The following DGKZ variants were observed in gnomAD, a reference collection of about 807,000 sequenced individuals.
DGKZ encodes diacylglycerol kinase zeta, also known as DAG kinase zeta.
Under a neutral mutation model 142.5 loss-of-function variants are expected in DGKZ, and 45 were observed. The ratio of observed to expected loss-of-function variants is 0.32; its 90% CI spans 0.25 to 0.40. DGKZ has a LOEUF of 0.40. DGKZ is among the 10% of genes least tolerant of loss of function. The pLI is 1.00. For synonymous variants in DGKZ, 442 were observed against 527.0 expected (o/e 0.84, Z 2.21); for missense variants, 755 against 1,306.5 (o/e 0.58, Z 6.51).
intron 1 of DGKZ, chr11:46,338,811 G>A (rs927199721): frequency 2.0e-5 from 3 of 152,142 alleles, no homozygotes; most frequent in African/African-American, 7.2e-5. Context: ...CGGAAAATGC[G>A]AGCGATGATA....
chr11:46,352,652 C>G (rs958367662), intron 1 of DGKZ, among the ~76,000 whole-genome samples: 2 of 152,236 alleles, frequency 1.3e-5, no homozygotes, highest in Admixed American at 1.3e-4. Flanking sequence ...CTCCCTGCCC[C>G]CTCTGCCTCC....
At chr11:46,336,228 C>T (rs1044162254) in intron 1 of DGKZ, among the ~76,000 whole-genome samples, 79 of 152,126 alleles carry the variant, frequency 5.2e-4, no homozygotes, top group African/African-American at 1.9e-3. Flanking sequence ...CTTCGCCTCC[C>T]AGTGCCAGCA....
upstream of DGKZ, chr11:46,345,617 T>G (rs754581833): frequency 5.1e-5 from 75 of 1,480,096 alleles, no homozygotes; most frequent in Admixed American, 2.3e-4. The surrounding 1 kb of genome is among the most constrained non-coding windows in gnomAD (Gnocchi z 4.1). Context: ...GGAGTGGGCA[T>G]GGGACCTCTG....
At chr11:46,366,577 C>T (rs766469311) in intron 1 of DGKZ, 14 of 1,607,002 alleles carry the variant, frequency 8.7e-6, no homozygotes, top group South Asian at 4.5e-5. Flanking sequence ...TGGGTGCACC[C>T]CTGCTGTTGA....
upstream of DGKZ, chr11:46,345,686 C>G (rs1940544567): frequency 8.4e-7 from 1 of 1,196,336 alleles, no homozygotes; most frequent in African/African-American, 1.6e-5. The surrounding 1 kb of genome is among the most constrained non-coding windows in gnomAD (Gnocchi z 4.1). Context: ...ACCCATCTGT[C>G]ATCCAGCACT....
intron 1 of DGKZ, among the ~76,000 whole-genome samples, chr11:46,362,762 T>A (rs994872258): frequency 1.3e-5 from 2 of 152,172 alleles, no homozygotes; most frequent in Non-Finnish European, 2.9e-5. Flanking sequence ...TCCTGTCCGC[T>A]CCAGCTGTAG....
At chr11:46,379,348 C>T (rs1244860664) in intron 29 of DGKZ, 112 bp downstream of exon 29, 9 of 1,571,350 alleles carry the variant, frequency 5.7e-6, no homozygotes, top group Non-Finnish European at 6.9e-6. Context: ...ATCTGTCATC[C>T]CCTGGGCCAC....
chr11:46,369,903 A>G (rs1407187727), intron 5 of DGKZ, 38 bp from the exon 6 acceptor site: 34 of 1,602,004 alleles, frequency 2.1e-5, no homozygotes, highest in Non-Finnish European at 2.7e-5. Context: ...GCCCCTGCCC[A>G]CCCCTCACCC....
rs776127804 is a variant in DGKZ at position 46,367,643 on chromosome 11, C to T, written c.271-9C>T. Reference sequence around the variant, plus strand: ...CAGCGTGTGCTGAGCAAGCCCATCCCGTGGCTAGGAGTCAGCGACATATGG... The same window carrying T: ...CAGCGTGTGCTGAGCAAGCCCATCCTGTGGCTAGGAGTCAGCGACATATGG... On this transcript the variant is annotated splice_polypyrimidine_tract_variant and intron_variant, in intron 2 of 30. Transcript: ENST00000527911. The surrounding 1 kb of genome is among the most constrained non-coding windows in gnomAD (Gnocchi z 4.1). The T allele has an allele frequency of 8.8e-6, 14 of 1,592,038 alleles. No homozygotes were observed. The highest frequency in any genetic ancestry group is 4.5e-5 in the East Asian group (2 of 44,510).
chr11:46,343,801 C>G (rs1940396552), upstream of DGKZ, among the ~76,000 whole-genome samples: 1 of 152,138 alleles, frequency 6.6e-6, no homozygotes, highest in South Asian at 2.1e-4. Context: ...TGCTATTCTC[C>G]CAGGTAAGTC....
chr11:46,349,468 G>A (rs1256887507), intron 1 of DGKZ, among the ~76,000 whole-genome samples: 2 of 152,160 alleles, frequency 1.3e-5, no homozygotes, highest in South Asian at 2.1e-4. Context: ...GAGCACATTC[G>A]GGAGGAAGAA....
exon 31 of DGKZ, chr11:46,380,281 A>C: frequency 5.1e-6 from 1 of 197,870 alleles, no homozygotes; most frequent in Non-Finnish European, 1.0e-5. Context: ...GGAGAGGGGG[A>C]GGCCTTCGGG....
Position 46,347,477 on chromosome 11 carries a change from C to T in DGKZ, c.-183C>T, listed in dbSNP as rs1344673829. On this transcript the variant is annotated 5_prime_UTR_variant, in exon 1 of 31. Coordinates refer to ENST00000527911, the Ensembl canonical transcript of DGKZ. The surrounding 1 kb of genome is among the most constrained non-coding windows in gnomAD (Gnocchi z 6.4). ...CCGCGGCTGGCGGCACTTCCTGGAGCGGCGGCGGCAGCGGCTTCCCGGGCA... is the reference window on the plus strand; with the variant it reads ...CCGCGGCTGGCGGCACTTCCTGGAGTGGCGGCGGCAGCGGCTTCCCGGGCA... The T allele has an allele frequency of 1.9e-5, 19 of 982,084 alleles. No individual in the cohort carries two copies. Among genetic ancestry groups the T allele is most frequent in the Non-Finnish European group, 2.2e-5 (18 of 828,750 alleles). The allele number at this position is 982,084 out of a possible 1,614,324, so 60.8% of individuals were successfully genotyped here.
chr11:46,362,188 C>T (rs1395658874), intron 1 of DGKZ, among the ~76,000 whole-genome samples: 1 of 152,152 alleles, frequency 6.6e-6, no homozygotes, highest in Non-Finnish European at 1.5e-5. Context: ...GAGGTGGGGT[C>T]GCCATGCACC....
At chr11:46,376,527 C>G in exon 24 of DGKZ, 3 of 1,613,816 alleles carry the variant, frequency 1.9e-6, no homozygotes, top group Non-Finnish European at 2.5e-6. Flanking sequence ...CCCACAGCCA[C>G]CACTGCCAGC....
intron 1 of DGKZ, among the ~76,000 whole-genome samples, chr11:46,360,880 TGGG>T (rs1175854605): frequency 1.3e-5 from 2 of 151,994 alleles, no homozygotes; most frequent in Non-Finnish European, 2.9e-5. Context: ...GACTGGGAGT[TGGG>T]GGGGTGGCAT....
At chr11:46,339,453 G>C (rs746106348) in intron 1 of DGKZ, among the ~76,000 whole-genome samples, 1 of 152,210 alleles carries the variant, frequency 6.6e-6, no homozygotes, top group African/African-American at 2.4e-5. Context: ...GGCCCAGCCC[G>C]GAACTCCTTC....
intron 1 of DGKZ, among the ~76,000 whole-genome samples, chr11:46,360,083 C>T (rs1419064275): frequency 6.6e-6 from 1 of 152,150 alleles, no homozygotes; most frequent in Non-Finnish European, 1.5e-5. Flanking sequence ...TCTTCATATA[C>T]TTCAACCAAA....
chr11:46,375,325 C>G lies in DGKZ; in HGVS notation c.1711-107C>G, dbSNP rs1294669627. On this transcript the variant is annotated intron_variant, in intron 19 of 30. Transcript: ENST00000527911. Reference sequence around the variant, plus strand: ...CTCTGCCCTCTGGCCAGGGGTCACTCTCACCTTTGTTCTCTGGCTAGAGTT... The same window carrying G: ...CTCTGCCCTCTGGCCAGGGGTCACTGTCACCTTTGTTCTCTGGCTAGAGTT... 1.6e-5 allele frequency: 21 copies of G among 1,327,964 alleles called. No individual in the cohort carries two copies. The Admixed American group carries it at 4.6e-4, about 29-fold the overall frequency. The allele number at this position is 1,327,964 out of a possible 1,614,324, so 82.3% of individuals were successfully genotyped here. A position where few individuals can be genotyped will look rare whatever the true frequency, so the allele number is the denominator to read the frequency against.
Sources: gnomAD v4.1 joint callset for allele counts (sites outside exome capture counted in the v4.1 genomes callset) on GRCh38, gnomAD v4.1.1 for gene constraint, Gnocchi (gnomAD v3.1) non-coding constraint, MANE v1.5 for transcripts, NCBI Gene and HGNC (gene_info 2026-07-23, HGNC 2026-07-21) for gene names.